The following EPC1 variants were observed in gnomAD, a reference collection of about 807,000 sequenced individuals.
The protein encoded by EPC1 is enhancer of polycomb homolog 1.
EPC1 carries 12 observed loss-of-function variants against 98.4 expected under a neutral mutation model. That is an observed-to-expected ratio of 0.12 (90% CI 0.08 to 0.20). The LOEUF (loss-of-function observed/expected upper bound fraction) is 0.20, where lower values mean the gene tolerates loss of function less well. Ranked by LOEUF, EPC1 falls within the 10% of genes least tolerant of loss-of-function variation. The pLI, the probability that EPC1 is intolerant of heterozygous loss-of-function variation, is 1.00. For missense variants in EPC1, 729 were observed against 990.5 expected (o/e 0.74, Z 3.54); for synonymous variants, 357 against 363.9 (o/e 0.98, Z 0.21).
rs1349221610 is a variant in EPC1, at chr10:32,292,814, A to C, written c.667-170T>G. 1.3e-5 allele frequency among the ~76,000 whole-genome samples: 2 copies of C among 152,150 alleles called. 1 individual carries two copies. The highest frequency in any genetic ancestry group is 4.8e-5 in the African/African-American group (2 of 41,454). ...TTTGTATTGATTTTTAAATGGATTA[A>C]CATTAAAATATAACATTAATAGCTG... On this transcript the variant is annotated intron_variant, in intron 4 of 13. Coordinates refer to ENST00000319778, the MANE Select transcript of EPC1 (RefSeq NM_001272004.3).
upstream of EPC1, among the ~76,000 whole-genome samples, chr10:32,349,492 A>G (rs768483963): frequency 2.6e-5 from 4 of 152,194 alleles, no homozygotes; most frequent in Non-Finnish European, 4.4e-5. Context: ...CGTCTCCTCA[A>G]TGCTGTGGAT....
Position 32,275,786 on chromosome 10 carries a change from A to AT in EPC1, c.1745-2506_1745-2505insA, listed in dbSNP as rs1420494948. On this transcript the variant is annotated intron_variant, in intron 10 of 13. Transcript: ENST00000319778. ...CAAGACTCCTTCTAAAAAAAAAAAA[A>AT]GGAAAAAGCAAAAATTAGCTGGGTG... Among the ~76,000 whole-genome samples, 89 of 150,970 alleles carry AT rather than the reference A, an allele frequency of 5.9e-4. 2 individuals carry two copies. Among genetic ancestry groups the AT allele is most frequent in the Non-Finnish European group, 6.1e-4 (41 of 67,628 alleles).
intron 1 of EPC1, among the ~76,000 whole-genome samples, chr10:32,359,854 TTAG>T (rs1241674434): frequency 6.6e-6 from 1 of 152,226 alleles, no homozygotes; most frequent in Non-Finnish European, 1.5e-5. Flanking sequence ...TTGTTTCCAT[TTAG>T]TAGTTTTGTA....
intron 1 of EPC1, among the ~76,000 whole-genome samples, chr10:32,327,289 C>T (rs978301389): frequency 9.2e-5 from 14 of 152,102 alleles, no homozygotes; most frequent in African/African-American, 3.1e-4. Flanking sequence ...ACAGTGTTTT[C>T]CAGAGACTGG....
At position 32,357,851 on chromosome 10, in the gene EPC1, A is replaced by ATT. The variant is rs58968767; in HGVS notation, c.3+20638_3+20639dup. On this transcript the variant is annotated intron_variant, in intron 1 of 13. Transcript: ENST00000375110. ...TTCTGTTTTGTGGCCTTCTCAATAA[A>ATT]TTTTTTTTTTTTTTTTTTTTTTTAG... Among the ~76,000 whole-genome samples the ATT allele has an allele frequency of 8.0e-3, 991 of 124,520 alleles. 29 individuals carry two copies. Among genetic ancestry groups the ATT allele is most frequent in the African/African-American group, 0.028 (845 of 30,674 alleles). 81.7% of individuals were successfully genotyped at this position (124,520 alleles called of 152,430 possible). A position where few individuals can be genotyped will look rare whatever the true frequency, so the allele number is the denominator to read the frequency against.
chr10:32,269,313 T>A (rs1249831793), intron 13 of EPC1, 178 bp from the exon 14 acceptor site: 1 of 531,312 alleles, frequency 1.9e-6, no homozygotes, highest in Middle Eastern at 5.2e-4. Flanking sequence ...ATCAGGCTAA[T>A]GTTGACTATA....
intron 1 of EPC1, among the ~76,000 whole-genome samples, chr10:32,376,270 A>G (rs1179206958): frequency 1.3e-5 from 2 of 152,082 alleles, no homozygotes; most frequent in Non-Finnish European, 2.9e-5. Flanking sequence ...GTTTGTTTTT[A>G]AAAGGGGGCT....
intron 9 of EPC1, chr10:32,286,206 T>TA (rs1221693692): frequency 6.5e-6 from 1 of 153,546 alleles, no homozygotes; most frequent in Non-Finnish European, 1.4e-5. Flanking sequence ...TAAAGGCATT[T>TA]AGAGTATGAA....
At chr10:32,351,369 C>A (rs1372831368), upstream of EPC1, among the ~76,000 whole-genome samples, 6 of 152,148 alleles carry the variant, frequency 3.9e-5, no homozygotes, top group African/African-American at 1.4e-4. Flanking sequence ...CAGAAATCAG[C>A]ATGTCGGCTG....
rs965720456 is a variant in EPC1 at position 32,378,265 on chromosome 10, T to C, written c.3+226A>G. Among the ~76,000 whole-genome samples the C allele has an allele frequency of 3.1e-4, 47 of 152,040 alleles. 1 individual carries two copies. The highest frequency in any genetic ancestry group is 1.5e-5 in the Non-Finnish European group (1 of 68,020). On this transcript the variant is annotated intron_variant, in intron 1 of 13. Transcript: ENST00000375110. ...TGAGTTCCTCTGTAGTTCACAGTAA[T>C]TAAAGTATAATTTATATTATAAACA...
At chr10:32,341,508 T>C (rs1030273374) in intron 1 of EPC1, among the ~76,000 whole-genome samples, 2 of 152,184 alleles carry the variant, frequency 1.3e-5, no homozygotes, top group South Asian at 2.1e-4. Context: ...GTTTACAAAA[T>C]TTAAGCTACA....
Position 32,286,777 on chromosome 10 carries a change from C to T in EPC1, c.1308G>A (p.Val436=), listed in dbSNP as rs910853186. The T allele has an allele frequency of 1.2e-5, 20 of 1,613,948 alleles. No homozygotes were observed. The highest frequency in any genetic ancestry group is 1.7e-5 in the Non-Finnish European group (20 of 1,180,026). ...GAGTAGTTAAGCAGTATCTATATCGCACATCCCCTAATCCTCCATCTTTAG... is the reference window on the plus strand; with the variant it reads ...GAGTAGTTAAGCAGTATCTATATCGTACATCCCCTAATCCTCCATCTTTAG... ...TSPKDGGLGD[V]RYRYCLTTLT... The change falls in exon 9 of 14, where the codon GTG becomes GTA. Residue 436 remains valine (V), a synonymous_variant. Transcript: ENST00000319778.
At chr10:32,321,812 T>A (rs76467481) in intron 1 of EPC1, among the ~76,000 whole-genome samples, 1 of 151,692 alleles carries the variant, frequency 6.6e-6, no homozygotes, top group Admixed American at 6.6e-5. Flanking sequence ...CCTTCTTGTC[T>A]TCTTCTGCCT....
upstream of EPC1, among the ~76,000 whole-genome samples, chr10:32,348,124 A>G (rs1838976474): frequency 6.6e-6 from 1 of 152,224 alleles, no homozygotes; most frequent in Non-Finnish European, 1.5e-5. Flanking sequence ...GTCCTCTGAA[A>G]AACTTTGTAA....
At chr10:32,334,319 T>C (rs1372388954) in intron 1 of EPC1, among the ~76,000 whole-genome samples, 1 of 152,162 alleles carries the variant, frequency 6.6e-6, no homozygotes, top group Non-Finnish European at 1.5e-5. Flanking sequence ...TCGCTTTGGC[T>C]TTACAGGTCA....
intron 1 of EPC1, among the ~76,000 whole-genome samples, chr10:32,313,589 T>C (rs1230182390): frequency 6.6e-6 from 1 of 152,186 alleles, no homozygotes; most frequent in Non-Finnish European, 1.5e-5. Context: ...AGTCAAAGAT[T>C]GTTTTAAGAA....
intron 1 of EPC1, among the ~76,000 whole-genome samples, chr10:32,346,089 A>C (rs1467552065): frequency 1.3e-5 from 2 of 152,210 alleles, no homozygotes; most frequent in African/African-American, 2.4e-5. Context: ...CACTGAAAGT[A>C]AGTCTTATCT....
chr10:32,331,239 C>G (rs1196986821), intron 1 of EPC1, among the ~76,000 whole-genome samples: 1 of 151,708 alleles, frequency 6.6e-6, no homozygotes, highest in African/African-American at 2.4e-5. Context: ...GTAATTCCAG[C>G]TACTTGGGAG....
chr10:32,301,945 A>T (rs903042781), intron 2 of EPC1, among the ~76,000 whole-genome samples: 4 of 148,898 alleles, frequency 2.7e-5, no homozygotes, highest in Admixed American at 1.3e-4. Flanking sequence ...AAAGTCTATT[A>T]AAAAAAAAAG....
Sources: allele counts gnomAD v4.1 joint callset (sites outside exome capture counted in the v4.1 genomes callset), GRCh38; gene constraint gnomAD v4.1.1; transcripts MANE v1.5; gene names NCBI Gene and HGNC (gene_info 2026-07-23, HGNC 2026-07-21).